Variants in DCC observed in about 807,000 individuals in gnomAD.
DCC encodes netrin receptor DCC.
Under a neutral mutation model 172.5 loss-of-function variants are expected in DCC, and 58 were observed. That is an observed-to-expected ratio of 0.34 (90% confidence interval 0.27 to 0.42). The LOEUF (loss-of-function observed/expected upper bound fraction) is 0.42. Ranked by LOEUF, DCC falls within the 10% of genes least tolerant of loss-of-function variation. The probability of loss-of-function intolerance (pLI) is 1.00; values close to 1 mark genes in which losing one functional copy is unlikely to be tolerated. For missense variants in DCC, 1,740 were observed against 1,791.0 expected (o/e 0.97, Z 0.51); for synonymous variants, 709 against 644.5 (o/e 1.10, Z -1.52).
At chr18:52,846,409 G>A (rs1204832110) in intron 2 of DCC, among the ~76,000 whole-genome samples, 3 of 152,012 alleles carry the variant, frequency 2.0e-5, no homozygotes, top group Non-Finnish European at 4.4e-5. Context: ...GCACGGTGGT[G>A]CCAAAATGTA....
chr18:53,103,330 G>A (rs993040844), intron 7 of DCC, among the ~76,000 whole-genome samples: 4 of 152,030 alleles, frequency 2.6e-5, no homozygotes, highest in Non-Finnish European at 5.9e-5. Flanking sequence ...AAAGCAATGG[G>A]AACCCAGGGT....
intron 7 of DCC, among the ~76,000 whole-genome samples, chr18:53,072,538 G>A (rs921447570): frequency 6.6e-6 from 1 of 152,180 alleles, no homozygotes; most frequent in Non-Finnish European, 1.5e-5. Flanking sequence ...GAGGGCCGTG[G>A]AACTGGGAAT....
intron 27 of DCC, among the ~76,000 whole-genome samples, chr18:53,501,263 T>A (rs970519923): frequency 2.6e-5 from 4 of 152,186 alleles, no homozygotes; most frequent in African/African-American, 9.7e-5. Flanking sequence ...AGGTAGCTAT[T>A]AGTCTTAACC....
chr18:52,678,494 A>G (rs2035685320), intron 1 of DCC, among the ~76,000 whole-genome samples: 1 of 152,162 alleles, frequency 6.6e-6, no homozygotes, highest in Non-Finnish European at 1.5e-5. Context: ...CAGAACAATG[A>G]AAAGAGAACT....
intron 7 of DCC, among the ~76,000 whole-genome samples, chr18:53,149,766 C>T (rs1013059548): frequency 2.0e-5 from 3 of 152,144 alleles, no homozygotes; most frequent in Non-Finnish European, 4.4e-5. Context: ...ACTCTGAGAG[C>T]TATAGTTATC....
At chr18:53,175,239 T>C (rs1313168411) in intron 8 of DCC, among the ~76,000 whole-genome samples, 2 of 151,988 alleles carry the variant, frequency 1.3e-5, no homozygotes, top group South Asian at 2.1e-4. Context: ...GGGCAAAAAC[T>C]GGAAACATTC....
chr18:53,156,612 A>AT (rs1476316388), intron 7 of DCC, among the ~76,000 whole-genome samples: 2 of 152,042 alleles, frequency 1.3e-5, no homozygotes, highest in African/African-American at 2.4e-5. Context: ...ATATGATTAC[A>AT]TTTTTTTCTA....
intron 15 of DCC, among the ~76,000 whole-genome samples, chr18:53,352,983 C>G (rs1209282578): frequency 6.6e-6 from 1 of 152,048 alleles, no homozygotes; most frequent in Non-Finnish European, 1.5e-5. Flanking sequence ...TAAGTAAATA[C>G]TATACCACTT....
At chr18:53,173,273 C>T (rs984716647) in intron 8 of DCC, among the ~76,000 whole-genome samples, 3 of 152,110 alleles carry the variant, frequency 2.0e-5, no homozygotes, top group Non-Finnish European at 4.4e-5. Context: ...TCCTAGAAGT[C>T]GGAATTCAGC....
intron 3 of DCC, among the ~76,000 whole-genome samples, chr18:52,921,668 C>T (rs2040126959): frequency 1.3e-5 from 2 of 151,016 alleles, no homozygotes; most frequent in African/African-American, 2.4e-5. Context: ...CACTGCACTC[C>T]AGCCTGGGTG....
chr18:53,134,808 G>C (rs1208865389), intron 7 of DCC, among the ~76,000 whole-genome samples: 1 of 152,156 alleles, frequency 6.6e-6, no homozygotes, highest in Non-Finnish European at 1.5e-5. Context: ...TAGAGGTGGG[G>C]CTTACAGAAG....
chr18:53,080,438 G>A (rs1309443826), intron 7 of DCC, among the ~76,000 whole-genome samples: 1 of 152,046 alleles, frequency 6.6e-6, no homozygotes, highest in Admixed American at 6.6e-5. Context: ...AGCCTAAAAG[G>A]CAAATACTTT....
At chr18:52,581,317 A>G (rs1320338303) in intron 1 of DCC, among the ~76,000 whole-genome samples, 5 of 147,182 alleles carry the variant, frequency 3.4e-5, no homozygotes, top group Non-Finnish European at 4.5e-5. Context: ...CAAACTATTT[A>G]AACTATCTCA....
intron 1 of DCC, among the ~76,000 whole-genome samples, chr18:52,399,212 T>C (rs574046410): frequency 6.6e-6 from 1 of 152,018 alleles, no homozygotes; most frequent in South Asian, 2.1e-4. Context: ...TTTTTGTTTC[T>C]TTTCTGGACA....
intron 1 of DCC, among the ~76,000 whole-genome samples, chr18:52,428,092 ATCT>A (rs1203687005): frequency 5.3e-5 from 8 of 152,074 alleles, no homozygotes; most frequent in South Asian, 4.2e-4. Flanking sequence ...TCTTTAAAAA[ATCT>A]TCTTGCATTT....
chr18:52,648,216 T>C (rs2035056067), intron 1 of DCC, among the ~76,000 whole-genome samples: 1 of 152,218 alleles, frequency 6.6e-6, no homozygotes, highest in Non-Finnish European at 1.5e-5. Context: ...TGGCTTGGCA[T>C]TCAGTGACAG....
In DCC at chr18:53,101,621, C is replaced by T. The variant is rs564316123; in HGVS notation, c.1261+35455C>T. Among the ~76,000 whole-genome samples, 6 of 152,186 alleles carry T rather than the reference C, an allele frequency of 3.9e-5. No individual in the cohort carries two copies. In the East Asian group the frequency reaches 7.7e-4, roughly 20 times the overall value. ...CCATAAGGCTACTTAGCCAAGAAAA[C>T]GTAGAGGACAATTTACTTTTCACTG... On this transcript the variant is annotated intron_variant, in intron 7 of 28. Coordinates refer to ENST00000442544, the MANE Select transcript of DCC (RefSeq NM_005215.4).
chr18:53,272,054 C>G (rs1199330201), intron 12 of DCC, among the ~76,000 whole-genome samples: 1 of 152,138 alleles, frequency 6.6e-6, no homozygotes. Context: ...ACCCTCTGTG[C>G]TTCAGAGTGA....
intron 17 of DCC, among the ~76,000 whole-genome samples, chr18:53,394,339 A>G (rs910572850): frequency 3.3e-5 from 5 of 152,232 alleles, no homozygotes; most frequent in African/African-American, 1.2e-4. Context: ...TCATTAAACT[A>G]GAGCAGGATC....
Sources: allele counts gnomAD v4.1 joint callset (sites outside exome capture counted in the v4.1 genomes callset), GRCh38; gene constraint gnomAD v4.1.1; transcripts MANE v1.5; gene names NCBI Gene and HGNC (gene_info 2026-07-23, HGNC 2026-07-21).